The following CTNNA2 variants were observed in gnomAD, a reference collection of about 807,000 sequenced individuals.
The protein encoded by CTNNA2 is catenin alpha 2.
Under a neutral mutation model 101.0 loss-of-function variants are expected in CTNNA2, and 42 were observed. That is an observed-to-expected ratio of 0.42 (90% CI 0.32 to 0.54). The LOEUF (loss-of-function observed/expected upper bound fraction) is 0.54, where lower values mean the gene tolerates loss of function less well. CTNNA2 is among the 20% of genes least tolerant of loss of function. The pLI is 0.14. For missense variants in CTNNA2, 871 were observed against 1,223.1 expected, an observed-to-expected ratio of 0.71 and a Z score of 4.29; for synonymous variants, 450 against 456.4, an observed-to-expected ratio of 0.99 and a Z score of 0.18.
Position 80,384,024 on chromosome 2 carries a change from A to T in CTNNA2, c.1057-9187A>T, listed in dbSNP as rs924844739. 5.3e-5 allele frequency among the ~76,000 whole-genome samples: 8 copies of T among 152,284 alleles called. No individual in the cohort carries two copies. In the South Asian group the frequency reaches 1.7e-3, roughly 32 times the overall value. On this transcript the variant is annotated intron_variant, in intron 7 of 18. Coordinates refer to ENST00000402739, the MANE Select transcript of CTNNA2 (RefSeq NM_001282597.3). Reference sequence around the variant, plus strand: ...GATCATGTTCTTTGCAGCAACATGGATGGAGCTGGAGACCATTATCCTTAA... The same window carrying T: ...GATCATGTTCTTTGCAGCAACATGGTTGGAGCTGGAGACCATTATCCTTAA...
intron 7 of CTNNA2, among the ~76,000 whole-genome samples, chr2:80,241,149 C>T (rs1670901686): frequency 6.6e-6 from 1 of 152,014 alleles, no homozygotes; most frequent in Admixed American, 6.6e-5. Context: ...TAAAAGTATC[C>T]CATCTTCACA....
At chr2:80,424,370 A>G (rs1036852821) in intron 9 of CTNNA2, among the ~76,000 whole-genome samples, 2 of 152,222 alleles carry the variant, frequency 1.3e-5, no homozygotes, top group Admixed American at 6.5e-5. Flanking sequence ...TAAGTGAACT[A>G]TTATGGGACT....
chr2:79,204,343 G>A (rs1335355072), intron 2 of CTNNA2, among the ~76,000 whole-genome samples: 2 of 152,126 alleles, frequency 1.3e-5, no homozygotes, highest in Non-Finnish European at 2.9e-5. Flanking sequence ...AGTCTTTCCT[G>A]TCCCTCTTTG....
At chr2:79,485,489 T>C (rs1200337309) in intron 4 of CTNNA2, among the ~76,000 whole-genome samples, 2 of 152,206 alleles carry the variant, frequency 1.3e-5, no homozygotes, top group Non-Finnish European at 2.9e-5. Flanking sequence ...TGCTCCTAAG[T>C]TTGCAAATCG....
intron 12 of CTNNA2, among the ~76,000 whole-genome samples, chr2:80,561,370 G>A (rs1200061066): frequency 6.6e-6 from 1 of 152,120 alleles, no homozygotes; most frequent in Non-Finnish European, 1.5e-5. Flanking sequence ...TTTTTTATAT[G>A]ACTAAAACCT....
At chr2:80,115,093 G>T (rs1701440103) in intron 7 of CTNNA2, among the ~76,000 whole-genome samples, 1 of 152,202 alleles carries the variant, frequency 6.6e-6, no homozygotes, top group Admixed American at 6.5e-5. Context: ...CTGGATGTCT[G>T]GGGGCCAGTG....
chr2:79,940,104 C>T (rs558987741), intron 7 of CTNNA2, among the ~76,000 whole-genome samples: 2 of 152,098 alleles, frequency 1.3e-5, no homozygotes, highest in Non-Finnish European at 2.9e-5. Context: ...AACAAAAACC[C>T]ACATGGACCC....
chr2:79,454,659 T>G (rs1458647331), intron 4 of CTNNA2, among the ~76,000 whole-genome samples: 1 of 151,952 alleles, frequency 6.6e-6, no homozygotes, highest in African/African-American at 2.4e-5. Flanking sequence ...AAAAATAAAT[T>G]TTTTGGAGGT....
At chr2:79,815,672 A>G (rs181880907) in intron 3 of CTNNA2, among the ~76,000 whole-genome samples, 3 of 152,096 alleles carry the variant, frequency 2.0e-5, no homozygotes, top group East Asian at 1.9e-4. Flanking sequence ...GCCTTATAGT[A>G]TAGTTTGAAA....
At chr2:79,869,200 A>G (rs1682388115) in intron 4 of CTNNA2, among the ~76,000 whole-genome samples, 1 of 152,216 alleles carries the variant, frequency 6.6e-6, no homozygotes, top group African/African-American at 2.4e-5. Context: ...GCTTGCCATC[A>G]TCCTCTCCAC....
chr2:80,067,837 C>G (rs1188055456), intron 7 of CTNNA2, among the ~76,000 whole-genome samples: 1 of 152,116 alleles, frequency 6.6e-6, no homozygotes, highest in South Asian at 2.1e-4. Context: ...CCTAAGGCCT[C>G]TTGTCAACAG....
At chr2:79,836,512 C>A (rs1423696589) in intron 3 of CTNNA2, among the ~76,000 whole-genome samples, 1 of 152,204 alleles carries the variant, frequency 6.6e-6, no homozygotes, top group Non-Finnish European at 1.5e-5. Context: ...CAAAGTATCA[C>A]AAACCACATG....
intron 1 of CTNNA2, among the ~76,000 whole-genome samples, chr2:79,565,250 G>GA (rs34257991): frequency 1.8e-4 from 26 of 148,486 alleles, no homozygotes; most frequent in Middle Eastern, 3.5e-3. Flanking sequence ...GGGTGAAAAG[G>GA]AAAAAAAAAA....
intron 17 of CTNNA2, among the ~76,000 whole-genome samples, chr2:80,615,274 C>G (rs1438946571): frequency 6.6e-6 from 1 of 151,516 alleles, no homozygotes; most frequent in Non-Finnish European, 1.5e-5. Flanking sequence ...TAAAATACAT[C>G]AGTTTCCATA....
At chr2:79,762,073 T>G (rs573260031) in intron 3 of CTNNA2, among the ~76,000 whole-genome samples, 29 of 152,188 alleles carry the variant, frequency 1.9e-4, no homozygotes, top group Non-Finnish European at 3.8e-4. Flanking sequence ...TAGGCTGTGT[T>G]TCTCTGAGCA....
At chr2:79,473,430 G>A (rs1411652839) in intron 4 of CTNNA2, among the ~76,000 whole-genome samples, 1 of 151,414 alleles carries the variant, frequency 6.6e-6, no homozygotes, top group Non-Finnish European at 1.5e-5. Context: ...TCTCTCACAT[G>A]TACACACACA....
intron 7 of CTNNA2, among the ~76,000 whole-genome samples, chr2:80,253,024 T>G (rs1668734781): frequency 6.6e-6 from 1 of 151,064 alleles, no homozygotes; most frequent in Admixed American, 6.6e-5. Context: ...TTTTCCCCCT[T>G]ACTTTCTACT....
intron 2 of CTNNA2, among the ~76,000 whole-genome samples, chr2:79,229,317 G>A (rs1315483658): frequency 1.3e-5 from 2 of 152,148 alleles, no homozygotes; most frequent in African/African-American, 4.8e-5. Context: ...TGTTGTGGGA[G>A]GGACCCAGTG....
intron 2 of CTNNA2, among the ~76,000 whole-genome samples, chr2:79,214,601 A>T (rs1246362327): frequency 1.3e-5 from 2 of 151,880 alleles, no homozygotes; most frequent in African/African-American, 2.4e-5. Flanking sequence ...TTTTAATGGG[A>T]TGGTAATGGG....
Sources: allele counts gnomAD v4.1 joint callset (sites outside exome capture counted in the v4.1 genomes callset), GRCh38; gene constraint gnomAD v4.1.1; transcripts MANE v1.5; gene names NCBI Gene and HGNC (gene_info 2026-07-23, HGNC 2026-07-21).